The following FOCAD variants were observed in gnomAD, a reference collection of about 807,000 sequenced individuals.
The protein encoded by FOCAD is KIAA1797.
FOCAD carries 198 observed loss-of-function variants against 225.6 expected under a neutral mutation model. The observed-to-expected ratio is 0.88, with a 90% CI of 0.78 to 0.99. The LOEUF (loss-of-function observed/expected upper bound fraction) is 0.99, where lower values mean the gene tolerates loss of function less well. Among genes scored for constraint, FOCAD ranks in the 50% least tolerant of loss-of-function variants. The pLI, the probability that FOCAD is intolerant of heterozygous loss-of-function variation, is 0.00. For missense variants in FOCAD, 2,713 were observed against 2,123.6 expected, an observed-to-expected ratio of 1.28 and a Z score of -5.46; for synonymous variants, 897 against 755.0, an observed-to-expected ratio of 1.19 and a Z score of -3.08.
At chr9:20,946,619 T>G in intron 29 of FOCAD, 82 bp from the exon 30 acceptor site, 2 of 1,481,486 alleles carry the variant, frequency 1.3e-6, no homozygotes, top group South Asian at 2.6e-5. Flanking sequence ...GGGGGGAGTT[T>G]GACAGAATAT....
chr9:20,977,085 T>C lies in FOCAD; in HGVS notation c.4261+537T>C, dbSNP rs570455222. On this transcript the variant is annotated intron_variant, in intron 36 of 43. Transcript: ENST00000338382. ...ATTCATTTCCTTTTCTTTTCTAGCCTCTAGAAGCTGCCCACATTCTTTGAC... is the reference window on the plus strand; with the variant it reads ...ATTCATTTCCTTTTCTTTTCTAGCCCCTAGAAGCTGCCCACATTCTTTGAC... Among the ~76,000 whole-genome samples the C allele has an allele frequency of 3.2e-4, 49 of 152,288 alleles. 1 individual carries two copies. In the South Asian group the frequency reaches 8.9e-3, roughly 28 times the overall value.
intron 11 of FOCAD, among the ~76,000 whole-genome samples, chr9:20,814,122 T>C (rs1461623026): frequency 6.6e-6 from 1 of 152,164 alleles, no homozygotes; most frequent in Non-Finnish European, 1.5e-5. Flanking sequence ...TATAGTGGGA[T>C]CTTGTTTGGG....
At chr9:20,973,094 G>T (rs569255586) in intron 35 of FOCAD, among the ~76,000 whole-genome samples, 5 of 149,856 alleles carry the variant, frequency 3.3e-5, no homozygotes, top group Admixed American at 3.3e-4. Flanking sequence ...TGCTGACTTT[G>T]CCTTGTTCTG....
chr9:20,884,589 G>C (rs573783954), intron 20 of FOCAD, among the ~76,000 whole-genome samples: 45 of 151,976 alleles, frequency 3.0e-4, no homozygotes, highest in Non-Finnish European at 4.7e-4. Flanking sequence ...GAGCCACCGT[G>C]CCTGTCCCAA....
chr9:20,661,941 T>C (rs1163049725), intron 2 of FOCAD, among the ~76,000 whole-genome samples: 1 of 152,100 alleles, frequency 6.6e-6, no homozygotes, highest in Non-Finnish European at 1.5e-5. Context: ...TCTTTATATA[T>C]TGACATGAAA....
chr9:20,898,883 C>G (rs1403833879), intron 21 of FOCAD, among the ~76,000 whole-genome samples: 3 of 151,902 alleles, frequency 2.0e-5, no homozygotes, highest in Admixed American at 6.6e-5. Flanking sequence ...AGAGTCATTC[C>G]ATAACCCTAT....
At position 20,923,761 on chromosome 9, in the gene FOCAD, T is replaced by C. The variant is rs889141967; in HGVS notation, c.2954T>C (p.Leu985Pro). 4 of 1,612,584 alleles carry C rather than the reference T, an allele frequency of 2.5e-6. No homozygotes were observed. In the African/African-American group the frequency reaches 5.3e-5, roughly 22 times the overall value. The stretch of plus-strand genomic sequence containing the variant: ...AGCCTCTCCTCAGACTCTGACGGGC[T>C]CCTGGAGGTTAGTTGGGGTGATTTA... ...EASLSSDSDG[L>P]LEVQPNFLSM... The change falls in exon 25 of 44, where the codon CTC becomes CCC. Residue 985 changes from leucine to proline, a missense_variant. Leu to Pro is a moderately conservative substitution (Grantham distance 98). Coordinates refer to ENST00000338382, the MANE Select transcript of FOCAD (RefSeq NM_001375567.1).
At chr9:20,686,878 C>T (rs1392376839) in intron 1 of FOCAD, among the ~76,000 whole-genome samples, 3 of 152,130 alleles carry the variant, frequency 2.0e-5, no homozygotes, top group Admixed American at 1.3e-4. Context: ...TTGTGAATTT[C>T]CTCCATGTAA....
In FOCAD at chr9:20,781,866, G is replaced by T. The variant is rs1227804085; in HGVS notation, c.1134G>T (p.Gln378His). Residue 378 changes from glutamine (Q) to histidine (H), a missense_variant, in exon 10 of 44, where the codon CAG becomes CAT. Physicochemically the swap from Gln to His is conservative, Grantham distance 24. Coordinates refer to ENST00000338382, the MANE Select transcript of FOCAD (RefSeq NM_001375567.1). The part of the protein sequence containing the change: ...ISVDEEGPSR[Q>H]QLALNLLEMI... ...TGGATGAAGAAGGTCCCTCTAGGCA[G>T]CAGTTGGCTCTAAACCTTTTGGAAA... The T allele has an allele frequency of 1.2e-6, 2 of 1,613,988 alleles. No homozygotes were observed. The highest frequency in any genetic ancestry group is 1.1e-5 in the South Asian group (1 of 91,088).
chr9:20,733,969 C>T (rs1826927651), intron 4 of FOCAD, among the ~76,000 whole-genome samples: 1 of 152,112 alleles, frequency 6.6e-6, no homozygotes, highest in Non-Finnish European at 1.5e-5. Flanking sequence ...TATGATTGCA[C>T]CACTGTGCTC....
In FOCAD at chr9:20,773,170, G is replaced by T. The variant is rs548079172; in HGVS notation, c.906+2932G>T. Among the ~76,000 whole-genome samples the T allele has an allele frequency of 3.3e-5, 5 of 152,238 alleles. No individual in the cohort carries two copies. In the South Asian group the frequency reaches 1.0e-3, roughly 32 times the overall value. On this transcript the variant is annotated intron_variant, in intron 8 of 43. Transcript: ENST00000338382. ...ATTTCATACAGTTTAGTCCTTTTTA[G>T]TATAATTCTCTGACCATTTTATTGT...
chr9:20,733,751 T>C (rs911452133), intron 4 of FOCAD, among the ~76,000 whole-genome samples: 2 of 152,074 alleles, frequency 1.3e-5, no homozygotes, highest in African/African-American at 4.8e-5. Flanking sequence ...CCTGTAATCC[T>C]AGCATTTTGA....
At chr9:20,951,394 G>A (rs959150875) in intron 34 of FOCAD, among the ~76,000 whole-genome samples, 4 of 152,116 alleles carry the variant, frequency 2.6e-5, no homozygotes, top group African/African-American at 9.7e-5. Flanking sequence ...TCAGTGTCCT[G>A]TATTTCACAA....
intron 11 of FOCAD, among the ~76,000 whole-genome samples, chr9:20,809,533 T>G (rs560043439): frequency 6.6e-6 from 1 of 152,282 alleles, no homozygotes; most frequent in South Asian, 2.1e-4. Context: ...AGAATCTCTC[T>G]CTTCTTCTGA....
At chr9:20,681,857 C>A (rs1030788290), upstream of FOCAD, among the ~76,000 whole-genome samples, 5 of 152,196 alleles carry the variant, frequency 3.3e-5, no homozygotes, top group Non-Finnish European at 7.3e-5. Context: ...TAAAAGCAGT[C>A]AAATCGGTTC....
rs1036238822 is a variant in FOCAD, at chr9:20,988,439, AGAG to A, written c.5004+14_5004+16del. 4.1e-6 allele frequency: 6 copies of A among 1,471,722 alleles called. No homozygotes were observed. The Admixed American group carries it at 8.9e-5, about 22-fold the overall frequency. The allele number at this position is 1,471,722 out of a possible 1,614,324, so 91.2% of individuals were successfully genotyped here. On this transcript the variant is annotated intron_variant, in intron 41 of 43. Transcript: ENST00000338382. ...TACGGCTCTTGACAAGGTAAAATCTAGAGGAGTAGTTTATAGCTTCCTTAAAAT... is the reference window on the plus strand; with the variant it reads ...TACGGCTCTTGACAAGGTAAAATCTAGAGTAGTTTATAGCTTCCTTAAAAT...
At chr9:20,952,853 G>A in intron 34 of FOCAD, 132 bp from the exon 35 acceptor site, 1 of 712,050 alleles carries the variant, frequency 1.4e-6, no homozygotes, top group Non-Finnish European at 2.4e-6. Context: ...GCCACAAAGT[G>A]TTGTGCTGAG....
At chr9:20,756,219 A>C (rs1829034629) in intron 5 of FOCAD, among the ~76,000 whole-genome samples, 1 of 152,136 alleles carries the variant, frequency 6.6e-6, no homozygotes, top group Non-Finnish European at 1.5e-5. Flanking sequence ...CATTCCCGTC[A>C]GTCAGAAATA....
intron 11 of FOCAD, among the ~76,000 whole-genome samples, chr9:20,797,686 G>A (rs1340071000): frequency 6.6e-6 from 1 of 150,890 alleles, no homozygotes; most frequent in African/African-American, 2.4e-5. Flanking sequence ...AAATCAAAAT[G>A]CATTGATTTT....
Sources: gnomAD v4.1 joint callset for allele counts (sites outside exome capture counted in the v4.1 genomes callset) on GRCh38, gnomAD v4.1.1 for gene constraint, MANE v1.5 for transcripts, NCBI Gene and HGNC (gene_info 2026-07-23, HGNC 2026-07-21) for gene names.